DYRK4: variants seen among roughly 807,000 people sequenced by gnomAD.
The protein encoded by DYRK4 is dual specificity tyrosine phosphorylation regulated kinase 4.
Under a neutral mutation model 68.3 loss-of-function variants are expected in DYRK4, and 64 were observed. That is an observed-to-expected ratio of 0.94 (90% CI 0.77 to 1.15). DYRK4 has a LOEUF of 1.15. DYRK4 is among the 50% of genes most tolerant of loss of function. The pLI is 0.00. For missense variants in DYRK4, 740 were observed against 764.7 expected (o/e 0.97, Z 0.38); for synonymous variants, 274 against 289.9 (o/e 0.95, Z 0.56).
intron 6 of DYRK4, among the ~76,000 whole-genome samples, 159 bp downstream of exon 6, chr12:4,593,324 G>A (rs565335118): frequency 6.6e-6 from 1 of 152,302 alleles, no homozygotes; most frequent in East Asian, 1.9e-4. Flanking sequence ...GAAATACCAT[G>A]TTTGAAAATG....
chr12:4,602,637 G>A lies in DYRK4; in HGVS notation c.1127-2277G>A. The A allele has an allele frequency of 2.2e-6, 3 of 1,382,760 alleles. No individual in the cohort carries two copies. In the South Asian group the frequency reaches 3.5e-5, roughly 16 times the overall value. 85.7% of individuals were successfully genotyped at this position (1,382,760 alleles called of 1,614,324 possible). A position where few individuals can be genotyped will look rare whatever the true frequency, so the allele number is the denominator to read the frequency against. ...CTTTCTTGATGCCACTGACACAGGA[G>A]TTGGAAGATCTGGGTAACACCTGCT... is the stretch of plus-strand genomic sequence containing the variant. On this transcript the variant is annotated intron_variant, in intron 10 of 14. Transcript: ENST00000543431.
rs747067376 is a variant in DYRK4 at position 4,591,334 on chromosome 12, C to G, written c.463+36C>G. 6.2e-7 allele frequency: 1 copy of G among 1,608,176 alleles called. No homozygotes were observed. The highest frequency in any genetic ancestry group is 8.5e-7 in the Non-Finnish European group (1 of 1,177,550). ...GGGGCAGTAGCAGGGTGGGGAGGTG[C>G]TTATGGAAGGTCGGGGTGTTAAGAG... is the stretch of plus-strand genomic sequence containing the variant. On this transcript the variant is annotated intron_variant, in intron 5 of 14. Transcript: ENST00000543431. This position sits in a 1 kb window ranked among gnomAD's most constrained non-coding sequence, Gnocchi z 4.1.
chr12:4,610,466 T>A, intron 13 of DYRK4, 182 bp downstream of exon 13: 1 of 540,864 alleles, frequency 1.8e-6, no homozygotes, highest in Non-Finnish European at 3.1e-6. Flanking sequence ...CATCTCTCCC[T>A]ACTGTGTGGT....
Position 4,591,127 on chromosome 12 carries a change from A to G in DYRK4, c.325-33A>G, listed in dbSNP as rs181859342. 1,275 of 1,611,170 alleles carry G rather than the reference A, an allele frequency of 7.9e-4. 4 individuals are homozygous for G. Among genetic ancestry groups the G allele is most frequent in the Admixed American group, 1.7e-3 (102 of 59,612 alleles). On this transcript the variant is annotated intron_variant, in intron 4 of 14. Transcript: ENST00000543431. The surrounding 1 kb of genome is among the most constrained non-coding windows in gnomAD (Gnocchi z 4.1). Reference sequence around the variant, plus strand: ...TATGGCCCCCAGGAGAGTCCTAAGTAGTTATTTATTGCAAACCTCTTTTCC... The same window carrying G: ...TATGGCCCCCAGGAGAGTCCTAAGTGGTTATTTATTGCAAACCTCTTTTCC...
rs1333462855 is a variant in DYRK4 at position 4,613,165 on chromosome 12, G to A, written c.1667-350G>A. Among the ~76,000 whole-genome samples the A allele has an allele frequency of 6.6e-6, 1 of 152,030 alleles. No homozygotes were observed. The highest frequency in any genetic ancestry group is 2.4e-5 in the African/African-American group (1 of 41,372). ...TATGGCATTATGCAAATTTTTATAT[G>A]CAATATAGCCTAGTGGTTAGGTACA... On this transcript the variant is annotated intron_variant, in intron 14 of 14. Coordinates refer to ENST00000543431, the MANE Select transcript of DYRK4 (RefSeq NM_001394779.1). This position sits in a 1 kb window ranked among gnomAD's most constrained non-coding sequence, Gnocchi z 4.0.
intron 10 of DYRK4, 91 bp downstream of exon 10, chr12:4,599,879 C>T (rs905540723): frequency 2.0e-6 from 2 of 1,018,794 alleles, no homozygotes; most frequent in Admixed American, 3.8e-5. Flanking sequence ...AGGCTGCGCT[C>T]AGCTGTCACC....
At chr12:4,600,163 T>A (rs1305876920) in intron 10 of DYRK4, among the ~76,000 whole-genome samples, 2 of 152,164 alleles carry the variant, frequency 1.3e-5, no homozygotes, top group Admixed American at 6.5e-5. Context: ...CATTCTGAAG[T>A]TTGGAATTCA....
intron 10 of DYRK4, chr12:4,602,453 T>A: frequency 8.1e-7 from 1 of 1,236,898 alleles, no homozygotes; most frequent in South Asian, 1.2e-5. Flanking sequence ...CTGATTAGAT[T>A]TCCCATTCCC....
At chr12:4,605,728 GGTTTTTTTTTT>G (rs1445893811) in intron 11 of DYRK4, among the ~76,000 whole-genome samples, 1 of 68,938 alleles carries the variant, frequency 1.5e-5, no homozygotes, top group Non-Finnish European at 2.5e-5. Flanking sequence ...AATAGAGCTG[GGTTTTTTTTTT>G]TTTTTTTTTT....
intron 2 of DYRK4, among the ~76,000 whole-genome samples, chr12:4,569,202 C>T (rs889386081): frequency 1.3e-5 from 2 of 152,172 alleles, no homozygotes. Flanking sequence ...CCACGTATAA[C>T]AAAACACGTT....
chr12:4,591,567 C>T lies in DYRK4; in HGVS notation c.463+269C>T, dbSNP rs763845814. On this transcript the variant is annotated intron_variant, in intron 5 of 14. Transcript: ENST00000543431. The surrounding 1 kb of genome is among the most constrained non-coding windows in gnomAD (Gnocchi z 4.1). ...CAGACAGAAGGAAGTGTCTCATTTG[C>T]CTAAGGAGCCCAGACACAAGGCTCC... The T allele has an allele frequency of 1.2e-5, 5 of 404,210 alleles. No homozygotes were observed. The highest frequency in any genetic ancestry group is 1.2e-4 in the South Asian group (2 of 16,284). 25.0% of individuals were successfully genotyped at this position (404,210 alleles called of 1,614,324 possible). A position where few individuals can be genotyped will look rare whatever the true frequency, so the allele number is the denominator to read the frequency against.
intron 2 of DYRK4, among the ~76,000 whole-genome samples, chr12:4,582,540 C>T (rs76952500): frequency 1.3e-5 from 2 of 151,996 alleles, no homozygotes; most frequent in Admixed American, 1.3e-4. Flanking sequence ...GTCTAACAAG[C>T]CTTTGCAGGT....
In DYRK4 at chr12:4,589,037, T is replaced by C. The variant is rs1591796033; in HGVS notation, c.213+20T>C. On this transcript the variant is annotated intron_variant, in intron 3 of 14. Transcript: ENST00000543431. ...CATAAGGTAGGGAGTGATGGTCAGC[T>C]CCTTTTCTCTAGGAGAGAATGAGGA... 12 of 1,535,096 alleles carry C rather than the reference T, an allele frequency of 7.8e-6. No homozygotes were observed. In the East Asian group the frequency reaches 2.7e-4, roughly 34 times the overall value.
At chr12:4,606,164 C>T (rs1945147390) in intron 11 of DYRK4, among the ~76,000 whole-genome samples, 1 of 151,980 alleles carries the variant, frequency 6.6e-6, no homozygotes, top group Non-Finnish European at 1.5e-5. Flanking sequence ...CACTTGAAAG[C>T]CATCTTGTTT....
In DYRK4 at chr12:4,562,388, G is replaced by T. The variant is rs55687438; in HGVS notation, c.38+105G>T. 1.9e-3 allele frequency: 2,668 copies of T among 1,387,654 alleles called. 55 individuals are homozygous for T. The East Asian group carries it at 0.048, about 25-fold the overall frequency. 86.0% of individuals were successfully genotyped at this position (1,387,654 alleles called of 1,614,324 possible). The stretch of plus-strand genomic sequence containing the variant: ...GTCGTGGGGGGAGAATGAAAAGCGT[G>T]CAGAATGCAAGAGCTGACCGGGGAA... On this transcript the variant is annotated intron_variant, in intron 1 of 14. Transcript: ENST00000543431.
intron 2 of DYRK4, among the ~76,000 whole-genome samples, chr12:4,585,406 T>G (rs1216387183): frequency 3.3e-5 from 5 of 152,222 alleles, no homozygotes; most frequent in African/African-American, 1.2e-4. Flanking sequence ...AGTTATCTGC[T>G]GTAATATCTT....
intron 2 of DYRK4, among the ~76,000 whole-genome samples, chr12:4,573,973 T>C (rs185124146): frequency 0.017 from 2,567 of 152,150 alleles, 40 homozygotes; most frequent in Admixed American, 0.044. Context: ...CGCCTGTAAT[T>C]CCAGCACTTT....
chr12:4,568,008 T>A lies in DYRK4; in HGVS notation c.92T>A (p.Val31Asp). 1 of 1,536,116 alleles carries A rather than the reference T, an allele frequency of 6.5e-7. No individual in the cohort carries two copies. Among genetic ancestry groups the A allele is most frequent in the Non-Finnish European group, 8.7e-7 (1 of 1,146,898 alleles). ...PRKCDLTPFL[V>D]LKARKKQKFT... ...AAATGTGATTTGACTCCCTTCCTGG[T>A]TTTGAAAGCAAGAAAGAAACAAAAG... The change falls in exon 2 of 15, where the codon GTT becomes GAT. Residue 31 changes from valine (V) to aspartate (D), a missense_variant. Physicochemically the swap from Val to Asp is radical, Grantham distance 152. This residue lies in a region of DYRK4 where 70 missense variants were observed against 71.1 expected (regional missense o/e 0.98). Transcript: ENST00000543431.
chr12:4,580,653 C>A (rs1160310921), intron 2 of DYRK4, among the ~76,000 whole-genome samples: 1 of 152,296 alleles, frequency 6.6e-6, no homozygotes, highest in Admixed American at 6.5e-5. Context: ...GGTCACACCC[C>A]CTCCCTGCAT....
Sources: gnomAD v4.1 joint callset for allele counts (sites outside exome capture counted in the v4.1 genomes callset) on GRCh38, gnomAD v4.1.1 for gene constraint, gnomAD v4.1.1 regional missense constraint, Gnocchi (gnomAD v3.1) non-coding constraint, MANE v1.5 for transcripts, NCBI Gene and HGNC (gene_info 2026-07-23, HGNC 2026-07-21) for gene names.